DNAH12: variants seen among roughly 807,000 people sequenced by gnomAD.
The protein encoded by DNAH12 is dynein axonemal heavy chain 12, also known as axonemal beta dynein heavy chain 12.
In DNAH12, 285 loss-of-function variants were observed where a neutral mutation model predicts 371.5. The ratio of observed to expected loss-of-function variants is 0.77; its 90% CI spans 0.70 to 0.85. The LOEUF (loss-of-function observed/expected upper bound fraction) is 0.85, where lower values mean the gene tolerates loss of function less well. DNAH12 is among the 40% of genes least tolerant of loss of function. DNAH12 has a pLI of 0.00. For missense variants in DNAH12, 3,611 were observed against 3,689.4 expected, an observed-to-expected ratio of 0.98 and a Z score of 0.55; for synonymous variants, 1,200 against 1,213.0, an observed-to-expected ratio of 0.99 and a Z score of 0.22.
At chr3:57,390,826 C>T (rs2153346987) in intron 45 of DNAH12, among the ~76,000 whole-genome samples, 1 of 152,184 alleles carries the variant, frequency 6.6e-6, no homozygotes, top group South Asian at 2.1e-4. Context: ...CACACAGCTT[C>T]CAACTGCTTT....
chr3:57,347,325 G>A (rs1181590245), intron 60 of DNAH12, among the ~76,000 whole-genome samples: 1 of 152,198 alleles, frequency 6.6e-6, no homozygotes, highest in Non-Finnish European at 1.5e-5. Context: ...TTATAGGTAT[G>A]AAAGGCTGAT....
intron 62 of DNAH12, among the ~76,000 whole-genome samples, chr3:57,323,945 T>G (rs2153296183): frequency 6.6e-6 from 1 of 152,364 alleles, no homozygotes. Context: ...CTGTTTGGTA[T>G]TAGAACCCCA....
intron 59 of DNAH12, among the ~76,000 whole-genome samples, chr3:57,356,186 A>C (rs2062793399): frequency 6.6e-6 from 1 of 152,154 alleles, no homozygotes. Flanking sequence ...TCACTCCTGT[A>C]ATCTCAGCAC....
intron 60 of DNAH12, among the ~76,000 whole-genome samples, chr3:57,338,508 C>A (rs1369513128): frequency 9.4e-5 from 14 of 149,418 alleles, no homozygotes; most frequent in Non-Finnish European, 2.1e-4. Flanking sequence ...TGCCTCTGCC[C>A]GGCCGCCCTG....
chr3:57,406,318 T>A (rs1345880477), intron 40 of DNAH12, among the ~76,000 whole-genome samples: 1 of 145,384 alleles, frequency 6.9e-6, no homozygotes, highest in Non-Finnish European at 1.5e-5. Flanking sequence ...GATCACGCCA[T>A]TGCACTCCAG....
At position 57,309,723 on chromosome 3, in the gene DNAH12, T is replaced by C; in HGVS notation, c.11028A>G (p.Gly3676=). The part of the protein sequence containing the change: ...LLTQGGSKQT[G]ASGSTDQILL... ...GAATCTGATCAGTACTTCCTGAGGC[T>C]CCTGTCTGTTTGGAGCCTCCCTGGG... is the stretch of plus-strand genomic sequence containing the variant. Residue 3676 remains glycine, a synonymous_variant, in exon 68 of 74, where the codon GGA becomes GGG. Coordinates refer to ENST00000495027, the MANE Select transcript of DNAH12 (RefSeq NM_001366028.2). 6.4e-7 allele frequency: 1 copy of C among 1,550,766 alleles called. No homozygotes were observed. Among genetic ancestry groups the C allele is most frequent in the Non-Finnish European group, 8.7e-7 (1 of 1,146,652 alleles).
intron 69 of DNAH12, among the ~76,000 whole-genome samples, chr3:57,302,567 A>ATATATATATATATATATTTTTTTT (rs2061380979): frequency 3.6e-5 from 1 of 27,484 alleles, no homozygotes; most frequent in Non-Finnish European, 6.3e-5. Context: ...ATATATATGT[A>ATATATATATATATATATTTTTTTT]TTTTTTTTTT....
intron 62 of DNAH12, among the ~76,000 whole-genome samples, chr3:57,326,109 A>G (rs1436586038): frequency 6.6e-6 from 1 of 152,076 alleles, no homozygotes; most frequent in Non-Finnish European, 1.5e-5. Context: ...TGACGGGGAG[A>G]ATGGAACCAA....
chr3:57,343,169 A>G (rs1308623535), intron 60 of DNAH12, among the ~76,000 whole-genome samples: 1 of 152,204 alleles, frequency 6.6e-6, no homozygotes, highest in African/African-American at 2.4e-5. Context: ...TGATATCACT[A>G]ATAATTAGGG....
At chr3:57,402,384 G>A (rs2063898183) in intron 43 of DNAH12, 1 of 1,304,486 alleles carries the variant, frequency 7.7e-7, no homozygotes, top group South Asian at 1.2e-5. Context: ...GAAGCCCCAA[G>A]TATGCACTCC....
chr3:57,305,567 T>A (rs565251708), intron 69 of DNAH12, among the ~76,000 whole-genome samples: 1 of 152,060 alleles, frequency 6.6e-6, no homozygotes, highest in Non-Finnish European at 1.5e-5. Context: ...ATCCCACTTC[T>A]CCCAAATCAG....
At chr3:57,371,760 T>C (rs1440371281) in intron 55 of DNAH12, among the ~76,000 whole-genome samples, 1 of 133,298 alleles carries the variant, frequency 7.5e-6, no homozygotes, top group African/African-American at 2.5e-5. Flanking sequence ...AATTGGAAAA[T>C]TTCCAGAGGG....
intron 17 of DNAH12, among the ~76,000 whole-genome samples, chr3:57,467,252 G>T (rs549571677): frequency 1.2e-3 from 182 of 152,110 alleles, no homozygotes; most frequent in African/African-American, 4.3e-3. Context: ...CCAAGTAGCT[G>T]GGATTACAGG....
At chr3:57,543,841 G>A (rs1347687310) in intron 1 of DNAH12, among the ~76,000 whole-genome samples, 1 of 151,746 alleles carries the variant, frequency 6.6e-6, no homozygotes, top group Non-Finnish European at 1.5e-5. Flanking sequence ...CAGGTCGGGA[G>A]TTCGAGCCCA....
intron 40 of DNAH12, among the ~76,000 whole-genome samples, chr3:57,407,687 G>C (rs1248296252): frequency 6.6e-6 from 1 of 152,078 alleles, no homozygotes; most frequent in Non-Finnish European, 1.5e-5. Flanking sequence ...AGATGAGGCT[G>C]GCTCTAGTCT....
chr3:57,325,734 G>A (rs890631791), intron 62 of DNAH12, among the ~76,000 whole-genome samples: 9 of 152,178 alleles, frequency 5.9e-5, no homozygotes, highest in African/African-American at 9.7e-5. Context: ...TGACTTTGAC[G>A]AGTTGAGAGA....
chr3:57,409,712 A>G (rs534808225), intron 39 of DNAH12, among the ~76,000 whole-genome samples: 2 of 152,302 alleles, frequency 1.3e-5, no homozygotes, highest in African/African-American at 4.8e-5. Context: ...ACTGTAAAAT[A>G]TGACTTAGCT....
At chr3:57,309,470 C>T (rs1291825311) in intron 68 of DNAH12, among the ~76,000 whole-genome samples, 196 bp downstream of exon 68, 1 of 152,110 alleles carries the variant, frequency 6.6e-6, no homozygotes, top group Non-Finnish European at 1.5e-5. Flanking sequence ...ACTTTAAATT[C>T]ATGATGTCTT....
At position 57,501,398 on chromosome 3, in the gene DNAH12, A is replaced by C; in HGVS notation, c.1258T>G (p.Trp420Gly). The C allele has an allele frequency of 4.4e-6, 7 of 1,585,154 alleles. No homozygotes were observed. Among genetic ancestry groups the C allele is most frequent in the Non-Finnish European group, 6.0e-6 (7 of 1,172,520 alleles). ...TCAACTGCAGTCCCATCAAGGAGCC[A>C]ATTATATTTTTCAACTGAAAATTAA... ...HYETYVEKYN[W>G]LLDGTAVENI... The change falls in exon 11 of 74, where the codon TGG becomes GGG. Residue 420 changes from tryptophan to glycine, a missense_variant. Physicochemically the swap from Trp to Gly is radical, Grantham distance 184. Around this residue, in one of 3 missense-constraint regions of DNAH12, gnomAD observed 1,314 missense variants for 1,398.7 expected, o/e 0.94. Coordinates refer to ENST00000495027, the MANE Select transcript of DNAH12 (RefSeq NM_001366028.2).
Sources: gnomAD v4.1 joint callset for allele counts (sites outside exome capture counted in the v4.1 genomes callset) on GRCh38, gnomAD v4.1.1 for gene constraint, gnomAD v4.1.1 regional missense constraint, MANE v1.5 for transcripts, NCBI Gene and HGNC (gene_info 2026-07-23, HGNC 2026-07-21) for gene names.